WASHC4: variants seen among roughly 807,000 people sequenced by gnomAD.
The protein encoded by WASHC4 is WASH complex subunit 7.
WASHC4 carries 86 observed loss-of-function variants against 166.6 expected under a neutral mutation model. The observed-to-expected ratio is 0.52, with a 90% CI of 0.43 to 0.62. The LOEUF (loss-of-function observed/expected upper bound fraction) is 0.62. Among genes scored for constraint, WASHC4 ranks in the 20% least tolerant of loss-of-function variants. The pLI, the probability that WASHC4 is intolerant of heterozygous loss-of-function variation, is 0.00. For missense variants in WASHC4, 1,262 were observed against 1,382.4 expected, an observed-to-expected ratio of 0.91 and a Z score of 1.38; for synonymous variants, 446 against 451.6, an observed-to-expected ratio of 0.99 and a Z score of 0.16.
chr12:105,127,275 T>C lies in WASHC4; in HGVS notation c.1185T>C (p.Ala395=). The change falls in exon 13 of 33, where the codon GCT becomes GCC. Residue 395 remains alanine (A), a synonymous_variant. Coordinates refer to ENST00000332180, the MANE Select transcript of WASHC4 (RefSeq NM_015275.3). ...IHRDTFLQQK[A]QSLTKDVQSY... Reference sequence around the variant, plus strand: ...GGGATACTTTTCTACAACAGAAAGCTCAATCACTTACCAAGTAGGTTTTAT... The same window carrying C: ...GGGATACTTTTCTACAACAGAAAGCCCAATCACTTACCAAGTAGGTTTTAT... 6.2e-7 allele frequency: 1 copy of C among 1,608,896 alleles called. No homozygotes were observed. Among genetic ancestry groups the C allele is most frequent in the Non-Finnish European group, 8.5e-7 (1 of 1,175,408 alleles).
chr12:105,132,787 AGTGTGTGTGTGTGTGTGTGT>A (rs58569487), intron 13 of WASHC4, among the ~76,000 whole-genome samples: 11 of 142,428 alleles, frequency 7.7e-5, no homozygotes, highest in South Asian at 4.7e-4. Context: ...TGAAAGAGGT[AGTGTGTGTGTGTGTGTGTGT>A]GTGTGTGTGT....
intron 4 of WASHC4, 68 bp from the exon 5 acceptor site, chr12:105,115,116 T>C: frequency 1.3e-6 from 1 of 799,712 alleles, no homozygotes; most frequent in South Asian, 1.4e-5. Context: ...TATACAGATC[T>C]AAGAGAGCAT....
At chr12:105,164,015 A>G in intron 30 of WASHC4, 96 bp from the exon 31 acceptor site, 2 of 1,075,286 alleles carry the variant, frequency 1.9e-6, no homozygotes, top group South Asian at 2.7e-5. Flanking sequence ...AGGAATTATT[A>G]CTCAGAATGC....
Position 105,147,027 on chromosome 12 carries a change from T to C in WASHC4, c.2410-15T>C, listed in dbSNP as rs1400753249. The C allele has an allele frequency of 2.7e-6, 4 of 1,471,342 alleles. No individual in the cohort carries two copies. The African/African-American group carries it at 5.6e-5, about 20-fold the overall frequency. The allele number at this position is 1,471,342 out of a possible 1,614,324, so 91.1% of individuals were successfully genotyped here. A position where few individuals can be genotyped will look rare whatever the true frequency, so the allele number is the denominator to read the frequency against. ...GGGTTGCGTTGTTACTGAGCATAAA[T>C]TTGTTTCATTGCAGATTTTTATTGA... On this transcript the variant is annotated splice_polypyrimidine_tract_variant and intron_variant, in intron 23 of 32. Coordinates refer to ENST00000332180, the MANE Select transcript of WASHC4 (RefSeq NM_015275.3).
chr12:105,133,956 C>T (rs1882088252), intron 14 of WASHC4, 60 bp downstream of exon 14: 11 of 1,531,140 alleles, frequency 7.2e-6, no homozygotes, highest in Non-Finnish European at 3.6e-6. Context: ...AGAAGTTAAA[C>T]TTTGAAAAAA....
At chr12:105,125,983 C>T in intron 10 of WASHC4, 21 bp from the exon 11 acceptor site, 1 of 1,607,038 alleles carries the variant, frequency 6.2e-7, no homozygotes, top group South Asian at 1.1e-5. Flanking sequence ...CTGAATTTCT[C>T]TTTCAATGTT....
At chr12:105,164,537 A>T in intron 31 of WASHC4, 104 bp from the exon 32 acceptor site, 1 of 902,078 alleles carries the variant, frequency 1.1e-6, no homozygotes, top group Non-Finnish European at 1.7e-6. Flanking sequence ...TTTCCACTAG[A>T]GCTTTTAAAA....
At chr12:105,127,363 G>A (rs922554170) in intron 13 of WASHC4, 74 bp downstream of exon 13, 34 of 1,012,150 alleles carry the variant, frequency 3.4e-5, no homozygotes, top group East Asian at 2.6e-5. Context: ...AACACTTAAT[G>A]TATAGTACCA....
Position 105,140,347 on chromosome 12 carries a change from A to G in WASHC4, c.1506A>G (p.Ser502=). The G allele has an allele frequency of 6.2e-7, 1 of 1,613,990 alleles. No homozygotes were observed. The highest frequency in any genetic ancestry group is 1.6e-4 in the Middle Eastern group (1 of 6,062). Residue 502 remains serine, a synonymous_variant, in exon 16 of 33, where the codon TCA becomes TCG. Coordinates refer to ENST00000332180, the MANE Select transcript of WASHC4 (RefSeq NM_015275.3). The part of the protein sequence containing the change: ...RRSMVVADSV[S]HITQHLQHQA... ...GCATGGTTGTGGCTGATTCAGTTTCACATATAACACAGCACCTTCAACATC... is the reference window on the plus strand; with the variant it reads ...GCATGGTTGTGGCTGATTCAGTTTCGCATATAACACAGCACCTTCAACATC...
chr12:105,108,000 A>T, intron 1 of WASHC4, 139 bp downstream of exon 1: 1 of 686,928 alleles, frequency 1.5e-6, no homozygotes, highest in Non-Finnish European at 2.6e-6. Flanking sequence ...GGGGTGTGCG[A>T]GGGACGCGCT....
intron 13 of WASHC4, among the ~76,000 whole-genome samples, chr12:105,128,773 GTT>G (rs56089634): frequency 6.8e-6 from 1 of 147,866 alleles, no homozygotes; most frequent in Non-Finnish European, 1.5e-5. Context: ...ATTCCGTTTT[GTT>G]TTTTTTTTTG....
At chr12:105,155,756 C>T (rs903780375) in intron 26 of WASHC4, among the ~76,000 whole-genome samples, 18 of 152,244 alleles carry the variant, frequency 1.2e-4, no homozygotes, top group African/African-American at 3.9e-4. Context: ...GCAGGAGAAT[C>T]GCTTGAACTG....
rs113769825 is a variant in WASHC4 at position 105,150,953 on chromosome 12, A to G, written c.2649+1204A>G. Among the ~76,000 whole-genome samples the G allele has an allele frequency of 3.8e-3, 581 of 152,230 alleles. 4 individuals carry two copies. The highest frequency in any genetic ancestry group is 0.013 in the African/African-American group (552 of 41,522). ...GGGAAACTGCCCCCATGATTCAGTT[A>G]TCTCCACCTGGTCCCTCTCAGGACA... On this transcript the variant is annotated intron_variant, in intron 25 of 32. Coordinates refer to ENST00000332180, the MANE Select transcript of WASHC4 (RefSeq NM_015275.3).
At chr12:105,163,536 C>G (rs1393181490) in intron 30 of WASHC4, among the ~76,000 whole-genome samples, 2 of 152,120 alleles carry the variant, frequency 1.3e-5, no homozygotes, top group East Asian at 3.9e-4. Context: ...GGGTCTTGCT[C>G]TGTCACCCAG....
At chr12:105,156,704 AT>A (rs753918902) in intron 26 of WASHC4, 21 bp from the exon 27 acceptor site, 7 of 1,575,302 alleles carry the variant, frequency 4.4e-6, no homozygotes, top group East Asian at 2.2e-5. Flanking sequence ...TAAATATCTG[AT>A]TTTTTTGTGT....
intron 25 of WASHC4, 46 bp downstream of exon 25, chr12:105,149,795 A>G: frequency 1.3e-6 from 2 of 1,541,580 alleles, no homozygotes; most frequent in South Asian, 1.2e-5. Context: ...GCTATTGAGT[A>G]TATGGCAAAT....
At chr12:105,143,407 G>GT (rs1883031547) in intron 20 of WASHC4, among the ~76,000 whole-genome samples, 164 bp downstream of exon 20, 1 of 151,958 alleles carries the variant, frequency 6.6e-6, no homozygotes, top group Admixed American at 6.6e-5. Context: ...GTGCTAATTG[G>GT]TCTGTAATTC....
intron 7 of WASHC4, among the ~76,000 whole-genome samples, chr12:105,118,898 G>A (rs543271544): frequency 6.6e-6 from 1 of 152,286 alleles, no homozygotes; most frequent in South Asian, 2.1e-4. Flanking sequence ...ACAGAATCTT[G>A]AGGGATGGAG....
intron 13 of WASHC4, among the ~76,000 whole-genome samples, chr12:105,128,991 G>A (rs1459453143): frequency 1.3e-5 from 2 of 150,972 alleles, no homozygotes; most frequent in East Asian, 3.9e-4. Flanking sequence ...TGTCGCCCAG[G>A]CTGGAGTGCA....
Sources: allele counts gnomAD v4.1 joint callset (sites outside exome capture counted in the v4.1 genomes callset), GRCh38; gene constraint gnomAD v4.1.1; transcripts MANE v1.5; gene names NCBI Gene and HGNC (gene_info 2026-07-23, HGNC 2026-07-21).